The following DCAF17 variants were observed in gnomAD, a reference collection of about 807,000 sequenced individuals.
The protein encoded by DCAF17 is DDB1 and CUL4 associated factor 17.
In DCAF17, 48 loss-of-function variants were observed where a neutral mutation model predicts 66.0. The observed-to-expected ratio is 0.73, with a 90% CI of 0.58 to 0.92. DCAF17 has a LOEUF of 0.92. Among genes scored for constraint, DCAF17 ranks in the 40% least tolerant of loss-of-function variants. The pLI is 0.00. For missense variants in DCAF17, 562 were observed against 622.8 expected (o/e 0.90, Z 1.04); for synonymous variants, 206 against 214.6 (o/e 0.96, Z 0.35).
At chr2:171,455,396 C>T (rs1695200413) in intron 6 of DCAF17, among the ~76,000 whole-genome samples, 1 of 152,180 alleles carries the variant, frequency 6.6e-6, no homozygotes, top group Admixed American at 6.6e-5. Context: ...TTTCGTTACC[C>T]AGTCTATCAC....
intron 2 of DCAF17, among the ~76,000 whole-genome samples, chr2:171,436,835 C>T (rs1220020691): frequency 6.8e-6 from 1 of 147,354 alleles, no homozygotes; most frequent in Non-Finnish European, 1.5e-5. Flanking sequence ...AGTGCAATGG[C>T]GTGATCTCGG....
chr2:171,435,240 A>G (rs1401994546), intron 2 of DCAF17, 54 bp downstream of exon 2: 12 of 1,332,688 alleles, frequency 9.0e-6, no homozygotes, highest in Non-Finnish European at 1.3e-5. Context: ...GATCTTAACT[A>G]TAATTTGTAT....
chr2:171,474,052 G>A (rs764855236), intron 10 of DCAF17, 77 bp downstream of exon 10: 27 of 1,172,728 alleles, frequency 2.3e-5, no homozygotes, highest in South Asian at 7.7e-5. Context: ...TTTTGCCAGC[G>A]AACTAGTGAG....
chr2:171,458,325 A>G lies in DCAF17; in HGVS notation c.733-47A>G, dbSNP rs773752168. On this transcript the variant is annotated intron_variant, in intron 7 of 13. Coordinates refer to ENST00000375255, the MANE Select transcript of DCAF17 (RefSeq NM_025000.4). ...TTATTTTTGTTCTCTCCAGATATCAAATAAATAGGTGCTAAAGCCACCATT... is the reference window on the plus strand; with the variant it reads ...TTATTTTTGTTCTCTCCAGATATCAGATAAATAGGTGCTAAAGCCACCATT... The G allele has an allele frequency of 1.0e-5, 15 of 1,497,484 alleles. No homozygotes were observed. In the South Asian group the frequency reaches 1.0e-4, roughly 10 times the overall value. The allele number at this position is 1,497,484 out of a possible 1,614,324, so 92.8% of individuals were successfully genotyped here.
At chr2:171,467,544 C>G (rs1695976930) in intron 8 of DCAF17, among the ~76,000 whole-genome samples, 1 of 151,812 alleles carries the variant, frequency 6.6e-6, no homozygotes, top group African/African-American at 2.4e-5. Context: ...CAAAAACTAG[C>G]TGAGTGTGGT....
At chr2:171,438,523 G>C (rs554993459) in intron 2 of DCAF17, among the ~76,000 whole-genome samples, 4 of 152,212 alleles carry the variant, frequency 2.6e-5, no homozygotes, top group African/African-American at 9.6e-5. Context: ...ATTGTGTTTT[G>C]ATACTCTGTT....
At chr2:171,462,875 A>G (rs1390190953) in intron 8 of DCAF17, among the ~76,000 whole-genome samples, 1 of 152,236 alleles carries the variant, frequency 6.6e-6, no homozygotes, top group African/African-American at 2.4e-5. Context: ...GGTAAGTGGC[A>G]TTAGTATTAT....
At position 171,483,833 on chromosome 2, in the gene DCAF17, C is replaced by T. The variant is rs944053925; in HGVS notation, c.*2719C>T. The T allele has an allele frequency of 2.2e-6, 1 of 453,956 alleles. No homozygotes were observed. The highest frequency in any genetic ancestry group is 1.6e-5 in the South Asian group (1 of 64,456). 28.1% of individuals were successfully genotyped at this position (453,956 alleles called of 1,614,324 possible). The stretch of plus-strand genomic sequence containing the variant: ...ACAGAAGTTAATTGGCCCAGGGTCC[C>T]ACAACTAGTCAGTGCAGAGGTGGGA... On this transcript the variant is annotated 3_prime_UTR_variant, in exon 14 of 14. Transcript: ENST00000375255.
chr2:171,471,992 G>T (rs1696268455), intron 9 of DCAF17, among the ~76,000 whole-genome samples: 1 of 152,014 alleles, frequency 6.6e-6, no homozygotes, highest in South Asian at 2.1e-4. Flanking sequence ...TCCAGCCTGT[G>T]CAACAGAGTG....
intron 9 of DCAF17, among the ~76,000 whole-genome samples, chr2:171,472,249 G>A (rs185461305): frequency 2.6e-5 from 4 of 151,912 alleles, no homozygotes; most frequent in Non-Finnish European, 4.4e-5. Context: ...GCACGATCTC[G>A]GCTTACTGCA....
At chr2:171,454,135 A>G (rs1695108101) in intron 6 of DCAF17, among the ~76,000 whole-genome samples, 1 of 151,644 alleles carries the variant, frequency 6.6e-6, no homozygotes, top group African/African-American at 2.4e-5. Flanking sequence ...GCACCACTAC[A>G]CTCCAGCCTG....
At position 171,477,980 on chromosome 2, in the gene DCAF17, A is replaced by C. The variant is rs755358041; in HGVS notation, c.1183-7A>C. ...GTCATATCTTTTTATTTCTTTCCAT[A>C]TGATAGAATGAAAATGTACTCACTG... is the stretch of plus-strand genomic sequence containing the variant. On this transcript the variant is annotated splice_polypyrimidine_tract_variant and splice_region_variant and intron_variant, in intron 11 of 13. Transcript: ENST00000375255. The C allele has an allele frequency of 6.2e-7, 1 of 1,608,528 alleles. No homozygotes were observed. The highest frequency in any genetic ancestry group is 8.5e-7 in the Non-Finnish European group (1 of 1,175,124).
chr2:171,444,055 G>C (rs969911693), intron 3 of DCAF17, among the ~76,000 whole-genome samples: 2 of 152,076 alleles, frequency 1.3e-5, no homozygotes, highest in African/African-American at 2.4e-5. Context: ...GGCTAGCTTT[G>C]CCTGGGTGTA....
At chr2:171,445,115 T>C (rs1461397440) in intron 3 of DCAF17, among the ~76,000 whole-genome samples, 1 of 150,978 alleles carries the variant, frequency 6.6e-6, no homozygotes, top group African/African-American at 2.4e-5. Context: ...TTTAGTAACC[T>C]AATTCCTATT....
intron 9 of DCAF17, among the ~76,000 whole-genome samples, chr2:171,469,573 T>G (rs1696121745): frequency 6.6e-6 from 1 of 152,212 alleles, no homozygotes; most frequent in Admixed American, 6.5e-5. Flanking sequence ...CATTTTTATT[T>G]TCTTTTTAAA....
intron 12 of DCAF17, among the ~76,000 whole-genome samples, chr2:171,479,341 G>C (rs1481827593): frequency 6.6e-6 from 1 of 152,086 alleles, no homozygotes; most frequent in African/African-American, 2.4e-5. Flanking sequence ...GGATGCTTGG[G>C]CACTGATCTG....
intron 2 of DCAF17, among the ~76,000 whole-genome samples, chr2:171,436,211 A>G (rs1022643803): frequency 6.6e-6 from 1 of 152,198 alleles, no homozygotes; most frequent in Non-Finnish European, 1.5e-5. Context: ...CATTTTACGT[A>G]TCCGTTTATC....
At chr2:171,467,198 A>AT (rs1695953387) in intron 8 of DCAF17, among the ~76,000 whole-genome samples, 1 of 151,300 alleles carries the variant, frequency 6.6e-6, no homozygotes, top group Non-Finnish European at 1.5e-5. Context: ...ATACAGGAAA[A>AT]TTTTTTGGAG....
At chr2:171,440,166 A>G (rs1212002060) in intron 2 of DCAF17, among the ~76,000 whole-genome samples, 1 of 152,182 alleles carries the variant, frequency 6.6e-6, no homozygotes, top group Non-Finnish European at 1.5e-5. Flanking sequence ...TGCTAACTCT[A>G]AAATCTCTGC....
Sources: allele counts gnomAD v4.1 joint callset (sites outside exome capture counted in the v4.1 genomes callset), GRCh38; gene constraint gnomAD v4.1.1; transcripts MANE v1.5; gene names NCBI Gene and HGNC (gene_info 2026-07-23, HGNC 2026-07-21).